Variants in CHD1L observed in about 807,000 individuals in gnomAD.
CHD1L encodes chromodomain helicase DNA binding protein 1 like.
A neutral mutation model predicts 115.9 loss-of-function variants in CHD1L; 118 were observed. The ratio of observed to expected loss-of-function variants is 1.02; its 90% CI spans 0.88 to 1.19. CHD1L has a LOEUF of 1.19. Among genes scored for constraint, CHD1L ranks in the 50% most tolerant of loss-of-function variants. The pLI is 0.00. For synonymous variants in CHD1L, 411 were observed against 387.1 expected (o/e 1.06, Z -0.72); for missense variants, 1,179 against 1,065.3 (o/e 1.11, Z -1.49).
the CHD1L span, among the ~76,000 whole-genome samples, chr1:147,212,701 T>C: frequency 2.0e-5 from 3 of 152,190 alleles, no homozygotes; most frequent in Non-Finnish European, 4.4e-5. Context: ...CTATTTTCTT[T>C]TCCCATAGCC....
At chr1:147,217,654 C>T in the CHD1L span, among the ~76,000 whole-genome samples, 1 of 152,186 alleles carries the variant, frequency 6.6e-6, no homozygotes, top group Admixed American at 6.5e-5. Flanking sequence ...ATTTCTTTAA[C>T]TGCTAATAAC....
the CHD1L span, chr1:147,178,192 G>A: frequency 5.0e-6 from 8 of 1,612,270 alleles, no homozygotes; most frequent in East Asian, 2.2e-5. Context: ...TGCCTCCGAC[G>A]TGCTAGGACT....
chr1:147,178,222 A>G, the CHD1L span: 3 of 1,613,554 alleles, frequency 1.9e-6, 1 homozygote, highest in Non-Finnish European at 2.5e-6. Context: ...CAACTTGGAG[A>G]GTCGCATCTC....
At chr1:147,292,568 A>G (rs782492767) in intron 20 of CHD1L, among the ~76,000 whole-genome samples, 1 of 152,242 alleles carries the variant, frequency 6.6e-6, no homozygotes, top group Admixed American at 6.5e-5. Context: ...TGGGTAATTT[A>G]CAAAGAAAAG....
At chr1:147,186,521 C>A in the CHD1L span, 6 of 996,536 alleles carry the variant, frequency 6.0e-6, no homozygotes, top group Non-Finnish European at 6.0e-6. Context: ...AGAAGAGTTA[C>A]GTGGAGTAAG....
the CHD1L span, chr1:147,208,870 C>T: frequency 6.2e-7 from 1 of 1,614,030 alleles, no homozygotes; most frequent in African/African-American, 1.3e-5. Context: ...AGGCTTCAGG[C>T]CAAACATTTC....
chr1:147,271,729 T>A (rs1553953296), intron 11 of CHD1L, among the ~76,000 whole-genome samples: 2 of 152,184 alleles, frequency 1.3e-5, no homozygotes, highest in Non-Finnish European at 2.9e-5. Context: ...CCCACACGGA[T>A]GCATGGAGGC....
At chr1:147,187,277 TCA>T in the CHD1L span, 10 of 1,483,842 alleles carry the variant, frequency 6.7e-6, 1 homozygote, top group South Asian at 1.3e-4. Flanking sequence ...CCATGGCCTG[TCA>T]ATAATTCAAT....
chr1:147,217,210 G>T, the CHD1L span, among the ~76,000 whole-genome samples: 3 of 150,426 alleles, frequency 2.0e-5, no homozygotes, highest in Non-Finnish European at 2.9e-5. Context: ...TTGCACTCCA[G>T]CCTGGGCAAC....
the CHD1L span, chr1:147,209,030 C>A: frequency 3.7e-6 from 6 of 1,614,142 alleles, no homozygotes; most frequent in Non-Finnish European, 5.1e-6. Flanking sequence ...ATCCAAGCCC[C>A]TCTCCTGGTG....
intron 19 of CHD1L, among the ~76,000 whole-genome samples, chr1:147,289,052 T>G (rs1221572373): frequency 6.6e-6 from 1 of 152,288 alleles, no homozygotes; most frequent in South Asian, 2.1e-4. Flanking sequence ...GAAAGGGATA[T>G]AAGAACTTAG....
At chr1:147,239,653 T>C (rs782131956), upstream of CHD1L, among the ~76,000 whole-genome samples, 20 of 152,192 alleles carry the variant, frequency 1.3e-4, no homozygotes, top group Non-Finnish European at 2.9e-4. Flanking sequence ...AACTTTTCTA[T>C]GTGTCACCTC....
rs3737846 is a variant in CHD1L, at chr1:147,255,938, G to A, written c.462+11G>A. The A allele has an allele frequency of 0.11, 172,526 of 1,577,958 alleles. 15,155 individuals are homozygous for A. The highest frequency in any genetic ancestry group is 0.44 in the East Asian group (19,566 of 44,454). ...CTGACTACCTATGAGGTATTCATTCGTTTCTCTATAGCGAGAACTCCTAAC... is the reference window on the plus strand; with the variant it reads ...CTGACTACCTATGAGGTATTCATTCATTTCTCTATAGCGAGAACTCCTAAC... On this transcript the variant is annotated intron_variant, in intron 4 of 22. Coordinates refer to ENST00000369258, the MANE Select transcript of CHD1L (RefSeq NM_004284.6).
At chr1:147,286,637 C>A in intron 18 of CHD1L, 137 bp downstream of exon 18, 1 of 745,696 alleles carries the variant, frequency 1.3e-6, no homozygotes, top group Non-Finnish European at 2.2e-6. Context: ...ATTTTAGAGT[C>A]AGGAGATATT....
At chr1:147,233,455 C>T in the CHD1L span, among the ~76,000 whole-genome samples, 10 of 122,322 alleles carry the variant, frequency 8.2e-5, no homozygotes, top group Non-Finnish European at 1.5e-4. Flanking sequence ...CCAGCCGCCC[C>T]GTCCGGGAGG....
At chr1:147,244,711 GTCT>G (rs782058883) in intron 1 of CHD1L, among the ~76,000 whole-genome samples, 64 of 151,836 alleles carry the variant, frequency 4.2e-4, no homozygotes, top group Non-Finnish European at 8.1e-4. Context: ...TTATCATTCA[GTCT>G]TCTTCAACAT....
At position 147,286,455 on chromosome 1, in the gene CHD1L, C is replaced by T; in HGVS notation, c.2176C>T (p.His726Tyr). The part of the protein sequence containing the change: ...SLKYVSGDVT[H>Y]PQAGAEDALI... ...CAAGTACGTTAGTGGTGATGTCACC[C>T]ACCCTCAGGCTGGGGCCGAGGATGC... The change falls in exon 18 of 23, where the codon CAC (histidine) becomes TAC (tyrosine). Residue 726 changes from histidine to tyrosine, a missense_variant. By Grantham distance (83) the His-to-Tyr change is moderately conservative (BLOSUM62 2). Transcript: ENST00000369258. 6.2e-7 allele frequency: 1 copy of T among 1,614,082 alleles called. No homozygotes were observed. The highest frequency in any genetic ancestry group is 8.5e-7 in the Non-Finnish European group (1 of 1,180,036).
At chr1:147,250,368 A>T (rs1211756296) in intron 1 of CHD1L, among the ~76,000 whole-genome samples, 2 of 152,132 alleles carry the variant, frequency 1.3e-5, no homozygotes, top group African/African-American at 4.8e-5. Flanking sequence ...TCTTTGTCTG[A>T]TGCTGCTCTG....
chr1:147,279,737 CTAT>C (rs1194533398), intron 14 of CHD1L, among the ~76,000 whole-genome samples: 2 of 151,930 alleles, frequency 1.3e-5, no homozygotes, highest in African/African-American at 4.8e-5. Context: ...CAGGAAGTTA[CTAT>C]TATTCTTCAA....
Sources: gnomAD v4.1 joint callset for allele counts (sites outside exome capture counted in the v4.1 genomes callset) on GRCh38, gnomAD v4.1.1 for gene constraint, MANE v1.5 for transcripts, NCBI Gene and HGNC (gene_info 2026-07-23, HGNC 2026-07-21) for gene names.